Variants in BRSK2 observed in about 807,000 individuals in gnomAD.
The protein encoded by BRSK2 is BR serine/threonine kinase 2.
In BRSK2, 19 loss-of-function variants were observed where a neutral mutation model predicts 83.3. That is an observed-to-expected ratio of 0.23 (90% CI 0.16 to 0.33). BRSK2 has a LOEUF of 0.33. Ranked by LOEUF, BRSK2 falls within the 10% of genes least tolerant of loss-of-function variation. The pLI is 1.00. For missense variants in BRSK2, 798 were observed against 1,042.3 expected, an observed-to-expected ratio of 0.77 and a Z score of 3.23; for synonymous variants, 519 against 435.4, an observed-to-expected ratio of 1.19 and a Z score of -2.39.
intron 8 of BRSK2, among the ~76,000 whole-genome samples, chr11:1,444,540 C>T (rs958263509): frequency 6.6e-6 from 1 of 152,124 alleles, no homozygotes; most frequent in African/African-American, 2.4e-5. Flanking sequence ...CTGGCTTCAG[C>T]TCCCTCCTGG....
rs1379706417 is a variant in BRSK2 at position 1,451,384 on chromosome 11, G to C, written c.1509G>C (p.Glu503Asp). The C allele has an allele frequency of 5.0e-6, 8 of 1,612,882 alleles. 1 individual carries two copies. Among genetic ancestry groups the C allele is most frequent in the Non-Finnish European group, 8.5e-7 (1 of 1,179,914 alleles). ...CTGTGTGCACAGTTCCGACGCCGGA[G>C]GAGATGTCCAACCTGACACCAGAGT... ...HRRKLQVPTP[E>D]EMSNLTPESS... Residue 503 changes from glutamate to aspartate, a missense_variant, in exon 15 of 20, where the codon GAG becomes GAC. Physicochemically the swap from Glu to Asp is conservative, Grantham distance 45. This residue lies in a region of BRSK2 where 455 missense variants were observed against 455.2 expected (regional missense o/e 1.00). Coordinates refer to ENST00000528841, the MANE Select transcript of BRSK2 (RefSeq NM_001256627.2).
chr11:1,446,853 G>A (rs1852208615), intron 12 of BRSK2, among the ~76,000 whole-genome samples: 1 of 152,206 alleles, frequency 6.6e-6, no homozygotes, highest in Non-Finnish European at 1.5e-5. Flanking sequence ...TCTGCCCTGT[G>A]ATCTGGGCCT....
Position 1,462,154 on chromosome 11 carries a change from G to A in BRSK2, c.*1431G>A, listed in dbSNP as rs888411385. Reference sequence around the variant, plus strand: ...GGCGCTCCTCTGCAGGGCGTTCTGTGCAGAGCGAGGCCCAGGGCGCAGCCC... The same window carrying A: ...GGCGCTCCTCTGCAGGGCGTTCTGTACAGAGCGAGGCCCAGGGCGCAGCCC... On this transcript the variant is annotated 3_prime_UTR_variant, in exon 20 of 20. Transcript: ENST00000528841. The A allele has an allele frequency of 6.6e-6, 1 of 152,218 alleles. No homozygotes were observed. The highest frequency in any genetic ancestry group is 1.5e-5 in the Non-Finnish European group (1 of 68,058). The allele number at this position is 152,218 out of a possible 1,614,324, so 9.4% of individuals were successfully genotyped here.
intron 10 of BRSK2, 47 bp from the exon 11 acceptor site, chr11:1,445,524 C>T (rs752328945): frequency 2.1e-5 from 33 of 1,601,494 alleles, no homozygotes; most frequent in South Asian, 5.6e-5. Context: ...CCGGAGGAGC[C>T]GGCGGCCCCG....
Position 1,423,469 on chromosome 11 carries a change from T to C in BRSK2, c.92-12571T>C, listed in dbSNP as rs1848830325. Among the ~76,000 whole-genome samples, 1 of 152,004 alleles carries C rather than the reference T, an allele frequency of 6.6e-6. No homozygotes were observed. Among genetic ancestry groups the C allele is most frequent in the South Asian group, 2.1e-4 (1 of 4,830 alleles). ...GCTGTGGCCACAGTGGTTCTGGAATTTGAGGTGCCTTAGGAGGTTCATGAT... is the reference window on the plus strand; with the variant it reads ...GCTGTGGCCACAGTGGTTCTGGAATCTGAGGTGCCTTAGGAGGTTCATGAT... On this transcript the variant is annotated intron_variant, in intron 1 of 19. Transcript: ENST00000528841. This position sits in a 1 kb window ranked among gnomAD's most constrained non-coding sequence, Gnocchi z 6.5.
chr11:1,450,937 C>G, intron 14 of BRSK2, 143 bp downstream of exon 14: 1 of 753,390 alleles, frequency 1.3e-6, no homozygotes, highest in African/African-American at 1.8e-5. Context: ...TCTCACTGTC[C>G]CGAAAGCGCC....
chr11:1,444,085 G>A (rs998020019), intron 8 of BRSK2, among the ~76,000 whole-genome samples: 1 of 152,088 alleles, frequency 6.6e-6, no homozygotes, highest in Non-Finnish European at 1.5e-5. Flanking sequence ...TGTGGGGTGT[G>A]CACAGGTGTG....
In BRSK2 at chr11:1,421,699, C is replaced by T. The variant is rs117178782; in HGVS notation, c.92-14341C>T. 2.8e-3 allele frequency among the ~76,000 whole-genome samples: 421 copies of T among 152,234 alleles called. 6 individuals carry two copies. The highest frequency in any genetic ancestry group is 0.019 in the Admixed American group (298 of 15,304). ...CTGCCCCCTGCCCCAGCTCCTGTGT[C>T]GGGGCTGTTACCGTGGGTGTGCAGG... On this transcript the variant is annotated intron_variant, in intron 1 of 19. Transcript: ENST00000528841.
chr11:1,399,452 C>G (rs1305395315), intron 1 of BRSK2, among the ~76,000 whole-genome samples: 1 of 152,190 alleles, frequency 6.6e-6, no homozygotes, highest in Non-Finnish European at 1.5e-5. Context: ...GATGGCGTCA[C>G]TGTGTTGCCT....
Position 1,461,027 on chromosome 11 carries a change from G to A in BRSK2, c.*304G>A. On this transcript the variant is annotated 3_prime_UTR_variant, in exon 20 of 20. Transcript: ENST00000528841. The stretch of plus-strand genomic sequence containing the variant: ...ACGAGGCCATCCTCTGTGACCGAAG[G>A]CAGCTGCTGCGGACCCGCCCTCCCT... 1.2e-6 allele frequency: 2 copies of A among 1,611,220 alleles called. No homozygotes were observed. The highest frequency in any genetic ancestry group is 1.7e-6 in the Non-Finnish European group (2 of 1,179,072).
At chr11:1,441,026 T>C (rs1180992973) in intron 4 of BRSK2, 98 bp downstream of exon 4, 2 of 1,042,318 alleles carry the variant, frequency 1.9e-6, no homozygotes, top group Non-Finnish European at 2.7e-6. Context: ...ACACCCCCTA[T>C]GGTGCTATTC....
At chr11:1,392,691 C>A (rs762968507) in intron 1 of BRSK2, among the ~76,000 whole-genome samples, 102 of 152,108 alleles carry the variant, frequency 6.7e-4, no homozygotes, top group Non-Finnish European at 1.1e-3. Context: ...GCAGCACCCC[C>A]ACCGGGGCCT....
At chr11:1,397,483 C>T (rs1247278605) in intron 1 of BRSK2, among the ~76,000 whole-genome samples, 2 of 152,244 alleles carry the variant, frequency 1.3e-5, no homozygotes, top group African/African-American at 2.4e-5. Flanking sequence ...TCCTCGTTTT[C>T]CTGGACGCCT....
chr11:1,435,975 G>A, intron 1 of BRSK2, 65 bp from the exon 2 acceptor site: 1 of 1,287,462 alleles, frequency 7.8e-7, no homozygotes, highest in South Asian at 1.3e-5. Context: ...AACCTGCACT[G>A]TCCGGCTGGG....
intron 4 of BRSK2, 122 bp downstream of exon 4, chr11:1,441,050 G>GC: frequency 2.5e-6 from 2 of 802,660 alleles, no homozygotes; most frequent in South Asian, 3.6e-5. Flanking sequence ...GGTACACCAT[G>GC]CCCCCCATTA....
intron 13 of BRSK2, among the ~76,000 whole-genome samples, chr11:1,450,111 G>A (rs578057984): frequency 4.2e-4 from 62 of 148,706 alleles, no homozygotes; most frequent in Middle Eastern, 3.4e-3. Context: ...CCACCCTCCC[G>A]CTCCCGCCTG....
At chr11:1,447,465 C>T (rs1332605321) in intron 12 of BRSK2, among the ~76,000 whole-genome samples, 1 of 152,212 alleles carries the variant, frequency 6.6e-6, no homozygotes, top group African/African-American at 2.4e-5. Context: ...TCTGGAAGGC[C>T]ACTAGTCCTG....
At chr11:1,434,398 C>T (rs552405417) in intron 1 of BRSK2, among the ~76,000 whole-genome samples, 71 of 144,268 alleles carry the variant, frequency 4.9e-4, no homozygotes, top group Non-Finnish European at 8.2e-4. Flanking sequence ...TAATATGGGC[C>T]GGCTCTGCGT....
rs533961496 is a variant in BRSK2, at chr11:1,424,736, T to C, written c.92-11304T>C. ...GTTGGGACTGTTTGGACAGAGGGAG[T>C]CGGGGGGGCCAGGCAGGGCCCTGTG... On this transcript the variant is annotated intron_variant, in intron 1 of 19. Coordinates refer to ENST00000528841, the MANE Select transcript of BRSK2 (RefSeq NM_001256627.2). Among the ~76,000 whole-genome samples the C allele has an allele frequency of 3.4e-3, 421 of 124,184 alleles. 4 individuals carry two copies. Among genetic ancestry groups the C allele is most frequent in the African/African-American group, 0.014 (406 of 29,682 alleles). The allele number at this position is 124,184 out of a possible 152,430, so 81.5% of individuals were successfully genotyped here. A position where few individuals can be genotyped will look rare whatever the true frequency, so the allele number is the denominator to read the frequency against.
Sources: gnomAD v4.1 joint callset for allele counts (sites outside exome capture counted in the v4.1 genomes callset) on GRCh38, gnomAD v4.1.1 for gene constraint, gnomAD v4.1.1 regional missense constraint, Gnocchi (gnomAD v3.1) non-coding constraint, MANE v1.5 for transcripts, NCBI Gene and HGNC (gene_info 2026-07-23, HGNC 2026-07-21) for gene names.